Variants in VWA8 observed in about 807,000 individuals in gnomAD.
VWA8 encodes the protein von Willebrand factor A domain-containing protein 8.
In VWA8, 221 loss-of-function variants were observed where a neutral mutation model predicts 241.5. That is an observed-to-expected ratio of 0.91 (90% CI 0.82 to 1.02). VWA8 has a LOEUF of 1.02. Ranked by LOEUF, VWA8 falls within the 50% of genes least tolerant of loss-of-function variation. The pLI is 0.00. For synonymous variants in VWA8, 852 were observed against 827.1 expected (o/e 1.03, Z -0.52); for missense variants, 2,322 against 2,328.7 (o/e 1.00, Z 0.06).
intron 2 of VWA8, among the ~76,000 whole-genome samples, chr13:41,917,348 TTTCATCCTGTC>T (rs1346048958): frequency 6.6e-6 from 1 of 152,224 alleles, no homozygotes; most frequent in Non-Finnish European, 1.5e-5. Flanking sequence ...TACTGTGATT[TTTCATCCTGTC>T]TTTTATCCAT....
chr13:41,725,209 G>T (rs1368868024), intron 24 of VWA8, among the ~76,000 whole-genome samples: 1 of 152,120 alleles, frequency 6.6e-6, no homozygotes, highest in Non-Finnish European at 1.5e-5. Context: ...AAAAAAAAAG[G>T]CTGGGTAAAG....
Position 41,581,231 on chromosome 13 carries a change from T to TGA in VWA8, c.5272-5395_5272-5394dup, listed in dbSNP as rs1231964703. Among the ~76,000 whole-genome samples the TGA allele has an allele frequency of 2.6e-5, 2 of 77,866 alleles. 1 individual carries two copies. The highest frequency in any genetic ancestry group is 4.2e-5 in the Non-Finnish European group (2 of 47,204). 51.1% of individuals were successfully genotyped at this position (77,866 alleles called of 152,430 possible). On this transcript the variant is annotated intron_variant, in intron 42 of 44. Coordinates refer to ENST00000379310, the MANE Select transcript of VWA8 (RefSeq NM_015058.2). ...GTTACCCAGGATGGTCTCGATCTCC[T>TGA]GACCTCGTGATCCGCCCGCCTCGGC...
chr13:41,638,040 G>T (rs891158453), intron 37 of VWA8, among the ~76,000 whole-genome samples: 1 of 152,036 alleles, frequency 6.6e-6, no homozygotes, highest in Non-Finnish European at 1.5e-5. Flanking sequence ...AGGTACATTC[G>T]CCCCCATGGA....
chr13:41,897,380 T>C (rs1875163599), intron 4 of VWA8, among the ~76,000 whole-genome samples: 1 of 152,092 alleles, frequency 6.6e-6, no homozygotes, highest in South Asian at 2.1e-4. Context: ...GAATGGCCAC[T>C]GTGAAAAAGA....
At chr13:41,592,473 AAAAAAT>A (rs1166086879) in intron 40 of VWA8, among the ~76,000 whole-genome samples, 5 of 135,618 alleles carry the variant, frequency 3.7e-5, no homozygotes, top group Admixed American at 7.5e-5. Context: ...ATAATAATAA[AAAAAAT>A]AAAATAAAAT....
intron 37 of VWA8, among the ~76,000 whole-genome samples, chr13:41,631,394 C>T (rs1244510080): frequency 6.6e-6 from 1 of 152,076 alleles, no homozygotes; most frequent in Non-Finnish European, 1.5e-5. Context: ...TCCTGCTTCA[C>T]CCTCAGCTTG....
intron 43 of VWA8, among the ~76,000 whole-genome samples, chr13:41,572,797 TAAAAAAAAAAA>T (rs869088660): frequency 1.5e-5 from 1 of 67,786 alleles, no homozygotes; most frequent in Non-Finnish European, 3.1e-5. Flanking sequence ...CAATAAATAC[TAAAAAAAAAAA>T]AAAAAAAAAA....
chr13:41,626,755 T>G (rs1180104135), intron 37 of VWA8, among the ~76,000 whole-genome samples: 1 of 152,106 alleles, frequency 6.6e-6, no homozygotes, highest in South Asian at 2.1e-4. Flanking sequence ...TTTCACCACA[T>G]ACAAAAATCA....
chr13:41,614,134 G>A (rs1052159881), intron 38 of VWA8, among the ~76,000 whole-genome samples: 1 of 152,186 alleles, frequency 6.6e-6, no homozygotes. Flanking sequence ...CTTTAAAGCT[G>A]ATGCTTGATG....
intron 2 of VWA8, among the ~76,000 whole-genome samples, chr13:41,947,994 T>C (rs992192547): frequency 1.1e-5 from 1 of 93,872 alleles, no homozygotes; most frequent in Non-Finnish European, 2.3e-5. Flanking sequence ...ATGTTAAACA[T>C]AGAGTTACCA....
At chr13:41,729,819 ACAC>A in intron 22 of VWA8, 142 bp from the exon 23 acceptor site, 1 of 571,166 alleles carries the variant, frequency 1.8e-6, no homozygotes, top group African/African-American at 2.0e-5. Context: ...ACACACACAC[ACAC>A]ACACACACAC....
chr13:41,704,418 CAA>C (rs2045269716), intron 26 of VWA8, among the ~76,000 whole-genome samples: 1 of 151,422 alleles, frequency 6.6e-6, no homozygotes, highest in Admixed American at 6.6e-5. Context: ...ACCAACATGG[CAA>C]TACTAAAGTA....
chr13:41,753,020 C>T (rs531852655), intron 21 of VWA8, among the ~76,000 whole-genome samples: 14 of 152,158 alleles, frequency 9.2e-5, no homozygotes, highest in Admixed American at 5.2e-4. Flanking sequence ...AACAGTGGAC[C>T]AAACCTTGAA....
chr13:41,750,847 G>A (rs915325309), intron 21 of VWA8, among the ~76,000 whole-genome samples: 1 of 149,808 alleles, frequency 6.7e-6, no homozygotes, highest in African/African-American at 2.5e-5. Context: ...CTGTTGAAAT[G>A]ACAACAAAGT....
rs1314575319 is a variant in VWA8 at position 41,671,124 on chromosome 13, G to A, written c.4433C>T (p.Thr1478Ile). Residue 1478 changes from threonine (T) to isoleucine (I), a missense_variant, in exon 37 of 45, where the codon ACC (threonine) becomes ATC (isoleucine). Coordinates refer to ENST00000379310, the MANE Select transcript of VWA8 (RefSeq NM_015058.2). Reference protein sequence around the residue: ...IPRSESLSPYTTWLSTISDTD... With the variant: ...IPRSESLSPYITWLSTISDTD... ...GTCTGAAATGGTCGACAGCCATGTG[G>A]TATACGGCGAGAGAGATTCTGATCT... 2 of 1,613,808 alleles carry A rather than the reference G, an allele frequency of 1.2e-6. No homozygotes were observed. Among genetic ancestry groups the A allele is most frequent in the Non-Finnish European group, 8.5e-7 (1 of 1,179,770 alleles).
intron 20 of VWA8, among the ~76,000 whole-genome samples, chr13:41,769,208 A>C (rs929727336): frequency 1.3e-5 from 2 of 152,228 alleles, no homozygotes; most frequent in Admixed American, 6.5e-5. Context: ...TACTCAGTCA[A>C]AGTAACACTT....
At chr13:41,732,339 CA>C (rs1279319828) in intron 21 of VWA8, among the ~76,000 whole-genome samples, 184 bp from the exon 22 acceptor site, 2 of 151,912 alleles carry the variant, frequency 1.3e-5, no homozygotes, top group Non-Finnish European at 2.9e-5. Flanking sequence ...AGACTTAATA[CA>C]GTATAAATTA....
intron 17 of VWA8, among the ~76,000 whole-genome samples, chr13:41,807,436 C>A (rs1016090466): frequency 6.6e-6 from 1 of 152,032 alleles, no homozygotes; most frequent in African/African-American, 2.4e-5. Flanking sequence ...ATGCAAAAAT[C>A]CTCAATAAAA....
intron 35 of VWA8, among the ~76,000 whole-genome samples, chr13:41,676,847 G>A (rs903161779): frequency 1.3e-5 from 2 of 152,038 alleles, no homozygotes; most frequent in East Asian, 1.9e-4. Context: ...TGGCCAGGCT[G>A]GTCTTGAACT....
Sources: gnomAD v4.1 joint callset for allele counts (sites outside exome capture counted in the v4.1 genomes callset) on GRCh38, gnomAD v4.1.1 for gene constraint, MANE v1.5 for transcripts, NCBI Gene and HGNC (gene_info 2026-07-23, HGNC 2026-07-21) for gene names.